PHYHIPL: variants seen among roughly 807,000 people sequenced by gnomAD.
PHYHIPL encodes the protein phytanoyl-CoA hydroxylase-interacting protein-like.
PHYHIPL carries 9 observed loss-of-function variants against 33.4 expected under a neutral mutation model. That is an observed-to-expected ratio of 0.27 (90% CI 0.16 to 0.47). The LOEUF (loss-of-function observed/expected upper bound fraction) is 0.47. Among genes scored for constraint, PHYHIPL ranks in the 20% least tolerant of loss-of-function variants. The pLI is 0.99. For synonymous variants in PHYHIPL, 153 were observed against 154.1 expected (o/e 0.99, Z 0.05); for missense variants, 365 against 460.7 (o/e 0.79, Z 1.90).
chr10:59,189,366 T>C (rs555850305), intron 1 of PHYHIPL, among the ~76,000 whole-genome samples: 4 of 152,208 alleles, frequency 2.6e-5, no homozygotes, highest in Admixed American at 2.0e-4. Flanking sequence ...CTAATTTTTA[T>C]ATTTAATTTC....
intron 1 of PHYHIPL, among the ~76,000 whole-genome samples, chr10:59,199,488 C>T (rs1168999384): frequency 2.0e-5 from 3 of 152,172 alleles, no homozygotes; most frequent in East Asian, 3.9e-4. Flanking sequence ...AGTCAGGTAG[C>T]GTGATGCCTC....
At position 59,245,734 on chromosome 10, in the gene PHYHIPL, A is replaced by G. The variant is rs1017177571; in HGVS notation, c.*143A>G. ...AAAACAAACAACTACCACTTTCCAA[A>G]TTTCATTCAGAACCATTTTAGTGTT... On this transcript the variant is annotated 3_prime_UTR_variant, in exon 5 of 5. Transcript: ENST00000373880. The G allele has an allele frequency of 1.3e-5, 11 of 873,768 alleles. No individual in the cohort carries two copies. The highest frequency in any genetic ancestry group is 3.0e-5 in the Admixed American group (1 of 33,566). The allele number at this position is 873,768 out of a possible 1,614,324, so 54.1% of individuals were successfully genotyped here. A position where few individuals can be genotyped will look rare whatever the true frequency, so the allele number is the denominator to read the frequency against.
Position 59,230,461 on chromosome 10 carries a change from C to T in PHYHIPL, c.107-3843C>T, listed in dbSNP as rs775947548. ...AACTCTTGGGCTCAAGCAATCAGCCCGCCTCAGTTTCCCAAAGTGCTGGGA... is the reference window on the plus strand; with the variant it reads ...AACTCTTGGGCTCAAGCAATCAGCCTGCCTCAGTTTCCCAAAGTGCTGGGA... On this transcript the variant is annotated intron_variant, in intron 1 of 4. Transcript: ENST00000373880. Among the ~76,000 whole-genome samples the T allele has an allele frequency of 4.6e-5, 7 of 151,978 alleles. No homozygotes were observed. The East Asian group carries it at 5.8e-4, about 13-fold the overall frequency.
intron 1 of PHYHIPL, among the ~76,000 whole-genome samples, chr10:59,204,109 G>T (rs972865531): frequency 4.6e-5 from 7 of 152,164 alleles, no homozygotes; most frequent in African/African-American, 1.7e-4. Context: ...TAGAATGTAT[G>T]TAGGGTTTAG....
At chr10:59,230,231 T>TC (rs1840041112) in intron 1 of PHYHIPL, among the ~76,000 whole-genome samples, 2 of 150,074 alleles carry the variant, frequency 1.3e-5, no homozygotes, top group African/African-American at 4.9e-5. Flanking sequence ...TTTTTTTTTT[T>TC]GAGACAAGGT....
In PHYHIPL at chr10:59,189,793, G is replaced by C. The variant is rs533882463; in HGVS notation, c.106+12834G>C. 2.6e-5 allele frequency among the ~76,000 whole-genome samples: 4 copies of C among 152,024 alleles called. No individual in the cohort carries two copies. The South Asian group carries it at 8.3e-4, about 32-fold the overall frequency. ...AGCAACATTTTATTGAGGGTTAAAA[G>C]TAAAATAAAAATTTGCCAGAAGAAA... On this transcript the variant is annotated intron_variant, in intron 1 of 4. Transcript: ENST00000373880.
intron 1 of PHYHIPL, among the ~76,000 whole-genome samples, chr10:59,229,823 C>A (rs1307403916): frequency 6.6e-6 from 1 of 152,154 alleles, no homozygotes; most frequent in Non-Finnish European, 1.5e-5. Context: ...GCTGCTGGGA[C>A]TGGCCAAGAC....
upstream of PHYHIPL, among the ~76,000 whole-genome samples, chr10:59,176,323 G>A (rs377031494): frequency 6.6e-6 from 1 of 152,220 alleles, no homozygotes; most frequent in Non-Finnish European, 1.5e-5. Context: ...CAGGCACCGA[G>A]AGCAGACAGA....
At chr10:59,177,470 A>G in intron 1 of PHYHIPL, 3 of 1,544,912 alleles carry the variant, frequency 1.9e-6, no homozygotes, top group Non-Finnish European at 2.6e-6. Flanking sequence ...TTGGATTGGG[A>G]TTAGGATGAC....
At chr10:59,196,726 G>C (rs1833763591) in intron 1 of PHYHIPL, among the ~76,000 whole-genome samples, 1 of 151,992 alleles carries the variant, frequency 6.6e-6, no homozygotes, top group African/African-American at 2.4e-5. Flanking sequence ...CAAGTACACT[G>C]TCAACATTTT....
upstream of PHYHIPL, among the ~76,000 whole-genome samples, chr10:59,175,643 A>T (rs751202914): frequency 3.9e-5 from 6 of 152,236 alleles, no homozygotes; most frequent in Non-Finnish European, 7.3e-5. Context: ...TTTTATGTTT[A>T]AAACGTTTGC....
chr10:59,217,836 G>A (rs530264939), intron 1 of PHYHIPL, among the ~76,000 whole-genome samples: 1 of 151,960 alleles, frequency 6.6e-6, no homozygotes, highest in South Asian at 2.1e-4. Context: ...TCTTTTTTGA[G>A]AAACAGTTCT....
At position 59,194,085 on chromosome 10, in the gene PHYHIPL, T is replaced by TG. The variant is rs1209192111; in HGVS notation, c.106+17126_106+17127insG. Among the ~76,000 whole-genome samples, 10 of 148,228 alleles carry TG rather than the reference T, an allele frequency of 6.7e-5. No homozygotes were observed. In the East Asian group the frequency reaches 1.2e-3, roughly 17 times the overall value. On this transcript the variant is annotated intron_variant, in intron 1 of 4. Transcript: ENST00000373880. ...AAGTATTTCTTTACCTATATGTTTT[T>TG]TTTTTTTTTTTTTTTTGAGGCAGTC...
At chr10:59,236,461 C>G (rs778651925) in intron 2 of PHYHIPL, 22 bp from the exon 3 acceptor site, 2 of 1,451,112 alleles carry the variant, frequency 1.4e-6, no homozygotes, top group South Asian at 1.4e-5. Context: ...TTTTCTCTCT[C>G]TCTTCCTTCT....
At chr10:59,200,864 T>A (rs896632976) in intron 1 of PHYHIPL, among the ~76,000 whole-genome samples, 4 of 152,060 alleles carry the variant, frequency 2.6e-5, no homozygotes, top group Non-Finnish European at 2.9e-5. Flanking sequence ...CATAGTATTC[T>A]CTGATGGTAG....
chr10:59,241,231 T>TATC (rs1214081565), intron 4 of PHYHIPL, among the ~76,000 whole-genome samples: 1 of 152,134 alleles, frequency 6.6e-6, no homozygotes, highest in Non-Finnish European at 1.5e-5. Context: ...CCATTTTAAA[T>TATC]ATCATCTTGT....
rs771156568 is a variant in PHYHIPL at position 59,238,715 on chromosome 10, A to C, written c.596+10A>C. The C allele has an allele frequency of 2.0e-6, 3 of 1,482,972 alleles. No homozygotes were observed. The highest frequency in any genetic ancestry group is 2.8e-6 in the Non-Finnish European group (3 of 1,062,628). 91.9% of individuals were successfully genotyped at this position (1,482,972 alleles called of 1,614,324 possible). A position where few individuals can be genotyped will look rare whatever the true frequency, so the allele number is the denominator to read the frequency against. On this transcript the variant is annotated intron_variant, in intron 4 of 4. Transcript: ENST00000373880. Reference sequence around the variant, plus strand: ...ATTTTGACTATGTTCGGTAAGATTCAAAAATATATAGTGATTTGTTTTACT... The same window carrying C: ...ATTTTGACTATGTTCGGTAAGATTCCAAAATATATAGTGATTTGTTTTACT...
intron 1 of PHYHIPL, among the ~76,000 whole-genome samples, chr10:59,210,198 T>A (rs1839404328): frequency 6.6e-6 from 1 of 151,878 alleles, no homozygotes; most frequent in African/African-American, 2.4e-5. Context: ...AGGGCTAATA[T>A]CCAGAATCTA....
Position 59,176,723 on chromosome 10 carries a change from C to T in PHYHIPL, c.-131C>T. The T allele has an allele frequency of 1.2e-6, 1 of 803,030 alleles. No individual in the cohort carries two copies. The highest frequency in any genetic ancestry group is 1.9e-6 in the Non-Finnish European group (1 of 522,288). 49.7% of individuals were successfully genotyped at this position (803,030 alleles called of 1,614,324 possible). A position where few individuals can be genotyped will look rare whatever the true frequency, so the allele number is the denominator to read the frequency against. On this transcript the variant is annotated 5_prime_UTR_variant, in exon 1 of 5. Coordinates refer to ENST00000373880, the MANE Select transcript of PHYHIPL (RefSeq NM_032439.4). ...CCAGCCCCGCGCCTCAGCCTCGGCG[C>T]CGCATCACCGCGTCCCAGGCCTCCT...
Sources: allele counts gnomAD v4.1 joint callset (sites outside exome capture counted in the v4.1 genomes callset), GRCh38; gene constraint gnomAD v4.1.1; transcripts MANE v1.5; gene names NCBI Gene and HGNC (gene_info 2026-07-23, HGNC 2026-07-21).